Variants in MAGI2 observed in about 807,000 individuals in gnomAD.
MAGI2 encodes the protein membrane-associated guanylate kinase, WW and PDZ domain-containing protein 2.
Under a neutral mutation model 133.3 loss-of-function variants are expected in MAGI2, and 35 were observed. The observed-to-expected ratio is 0.26, with a 90% CI of 0.20 to 0.35. The LOEUF (loss-of-function observed/expected upper bound fraction) is 0.35, where lower values mean the gene tolerates loss of function less well. MAGI2 is among the 10% of genes least tolerant of loss of function. The probability of loss-of-function intolerance (pLI) is 1.00; values close to 1 mark genes in which losing one functional copy is unlikely to be tolerated. For synonymous variants in MAGI2, 729 were observed against 710.6 expected (o/e 1.03, Z -0.41); for missense variants, 1,636 against 1,863.4 (o/e 0.88, Z 2.25).
chr7:78,629,137 T>C (rs1808686505), intron 2 of MAGI2, among the ~76,000 whole-genome samples: 1 of 152,166 alleles, frequency 6.6e-6, no homozygotes, highest in Non-Finnish European at 1.5e-5. Flanking sequence ...CATTTGTAGT[T>C]GTGCTCTTCT....
chr7:79,303,545 T>C (rs752259078), intron 1 of MAGI2, among the ~76,000 whole-genome samples: 2 of 152,182 alleles, frequency 1.3e-5, no homozygotes, highest in Non-Finnish European at 2.9e-5. Flanking sequence ...TGATAGTGAA[T>C]TCTAGTAAAT....
intron 1 of MAGI2, among the ~76,000 whole-genome samples, chr7:79,272,053 C>G (rs546540598): frequency 6.6e-6 from 1 of 152,134 alleles, no homozygotes; most frequent in African/African-American, 2.4e-5. Context: ...ATACAAAAAC[C>G]ATTTTTATGA....
chr7:78,389,725 T>G (rs1175779569), intron 6 of MAGI2, among the ~76,000 whole-genome samples: 1 of 152,120 alleles, frequency 6.6e-6, no homozygotes, highest in Non-Finnish European at 1.5e-5. Flanking sequence ...TTTTCCAAAG[T>G]GTGCTGGTTT....
At chr7:79,427,402 TA>T (rs1382534271) in intron 1 of MAGI2, among the ~76,000 whole-genome samples, 1 of 152,074 alleles carries the variant, frequency 6.6e-6, no homozygotes, top group African/African-American at 2.4e-5. Context: ...AATTATTTTT[TA>T]AAAAAGATGC....
chr7:78,908,904 C>A, intron 2 of MAGI2, among the ~76,000 whole-genome samples: 1 of 152,138 alleles, frequency 6.6e-6, no homozygotes, highest in Non-Finnish European at 1.5e-5. Context: ...TAGGCATGGG[C>A]AAAAACTTCA....
intron 3 of MAGI2, 38 bp downstream of exon 3, chr7:78,627,082 T>A: frequency 6.5e-7 from 1 of 1,536,466 alleles, no homozygotes; most frequent in Non-Finnish European, 8.7e-7. Context: ...AAAAATGTGA[T>A]GCCAACAAGA....
intron 1 of MAGI2, among the ~76,000 whole-genome samples, chr7:79,011,711 C>T (rs1808114204): frequency 6.6e-6 from 1 of 152,158 alleles, no homozygotes; most frequent in Non-Finnish European, 1.5e-5. Context: ...TCAGTCAAAG[C>T]AAACTACTCT....
intron 9 of MAGI2, among the ~76,000 whole-genome samples, chr7:78,308,813 T>C (rs918249767): frequency 3.9e-5 from 6 of 152,242 alleles, no homozygotes; most frequent in Non-Finnish European, 8.8e-5. Flanking sequence ...GCTGTTATTT[T>C]AGTATACTTA....
chr7:78,273,719 A>T lies in MAGI2; in HGVS notation c.1409-17138T>A, dbSNP rs577203817. Reference sequence around the variant, plus strand: ...TCTCTAATATCCTTTCTTCCACTTGATCGATTCGGCTATTGATACTTATGT... The same window carrying T: ...TCTCTAATATCCTTTCTTCCACTTGTTCGATTCGGCTATTGATACTTATGT... On this transcript the variant is annotated intron_variant, in intron 9 of 21. Transcript: ENST00000354212. Among the ~76,000 whole-genome samples the T allele has an allele frequency of 2.0e-5, 3 of 151,536 alleles. No individual in the cohort carries two copies. The South Asian group carries it at 6.3e-4, about 32-fold the overall frequency.
chr7:79,186,765 A>ATTTATACAAAAG (rs2129550808), intron 1 of MAGI2, among the ~76,000 whole-genome samples: 1 of 81,800 alleles, frequency 1.2e-5, no homozygotes, highest in Admixed American at 1.3e-4. Context: ...ATATATATAT[A>ATTTATACAAAAG]TATATATATA....
At chr7:78,659,770 ATG>A (rs1812730908) in intron 2 of MAGI2, among the ~76,000 whole-genome samples, 1 of 152,146 alleles carries the variant, frequency 6.6e-6, no homozygotes, top group Non-Finnish European at 1.5e-5. Flanking sequence ...GTTTTGCAAG[ATG>A]TTATCTTTGT....
intron 1 of MAGI2, among the ~76,000 whole-genome samples, chr7:79,045,748 C>T (rs758028871): frequency 9.2e-5 from 14 of 152,176 alleles, no homozygotes; most frequent in South Asian, 4.1e-4. Flanking sequence ...GCCAAGATCA[C>T]GCCACTGCAC....
intron 2 of MAGI2, among the ~76,000 whole-genome samples, chr7:78,860,261 C>T (rs181195791): frequency 9.6e-4 from 146 of 152,340 alleles, no homozygotes; most frequent in Non-Finnish European, 1.7e-3. Context: ...CAAAGTCATT[C>T]TCCATCCAGA....
At chr7:78,739,461 A>C (rs1822182175) in intron 2 of MAGI2, among the ~76,000 whole-genome samples, 1 of 152,182 alleles carries the variant, frequency 6.6e-6, no homozygotes, top group African/African-American at 2.4e-5. Context: ...TACTGAAATG[A>C]GAGATTTTTC....
chr7:78,084,717 A>T (rs1816427881), intron 20 of MAGI2, among the ~76,000 whole-genome samples: 1 of 152,216 alleles, frequency 6.6e-6, no homozygotes, highest in Non-Finnish European at 1.5e-5. Context: ...AAGTTCCAGG[A>T]AAAGGAAAAG....
chr7:79,159,466 TGAG>T (rs1324794033), intron 1 of MAGI2, among the ~76,000 whole-genome samples: 1 of 147,356 alleles, frequency 6.8e-6, no homozygotes. Flanking sequence ...GCGGGTGAGC[TGAG>T]ATCACATCAC....
chr7:78,426,613 A>T (rs1006410240), intron 6 of MAGI2, among the ~76,000 whole-genome samples: 1 of 146,174 alleles, frequency 6.8e-6, no homozygotes, highest in South Asian at 2.1e-4. Flanking sequence ...TAATAATAAT[A>T]AATAAATTAA....
At chr7:79,320,574 C>T (rs1268467607) in intron 1 of MAGI2, among the ~76,000 whole-genome samples, 1 of 152,012 alleles carries the variant, frequency 6.6e-6, no homozygotes, top group Non-Finnish European at 1.5e-5. Context: ...TGAGAAACTT[C>T]AATAATCAAT....
chr7:79,272,536 T>A (rs2129557294), intron 1 of MAGI2, among the ~76,000 whole-genome samples: 1 of 152,242 alleles, frequency 6.6e-6, no homozygotes, highest in South Asian at 2.1e-4. Flanking sequence ...CGAACTTGTA[T>A]CCATTTAATA....
Sources: allele counts gnomAD v4.1 joint callset (sites outside exome capture counted in the v4.1 genomes callset), GRCh38; gene constraint gnomAD v4.1.1; transcripts MANE v1.5; gene names NCBI Gene and HGNC (gene_info 2026-07-23, HGNC 2026-07-21).